SCFD1: variants seen among roughly 807,000 people sequenced by gnomAD.
SCFD1 encodes sec1 family domain-containing protein 1.
A neutral mutation model predicts 103.2 loss-of-function variants in SCFD1; 37 were observed. The ratio of observed to expected loss-of-function variants is 0.36; its 90% CI spans 0.28 to 0.47. The LOEUF (loss-of-function observed/expected upper bound fraction) is 0.47, where lower values mean the gene tolerates loss of function less well. Ranked by LOEUF, SCFD1 falls within the 20% of genes least tolerant of loss-of-function variation. SCFD1 has a pLI of 1.00. For synonymous variants in SCFD1, 264 were observed against 245.0 expected, an observed-to-expected ratio of 1.08 and a Z score of -0.73; for missense variants, 639 against 761.2, an observed-to-expected ratio of 0.84 and a Z score of 1.89.
At chr14:30,627,770 A>C (rs1471060612) in intron 1 of SCFD1, among the ~76,000 whole-genome samples, 1 of 150,532 alleles carries the variant, frequency 6.6e-6, no homozygotes, top group Non-Finnish European at 1.5e-5. Flanking sequence ...AAAAAAAAGA[A>C]AGACTGATCT....
chr14:30,669,642 C>G (rs1888355631), intron 10 of SCFD1: 1 of 151,956 alleles, frequency 6.6e-6, no homozygotes, highest in Non-Finnish European at 1.5e-5. Context: ...TGGCCTGACT[C>G]TTAAAGTTTG....
chr14:30,708,051 G>C lies in SCFD1; in HGVS notation c.1615G>C (p.Val539Leu). The change falls in exon 19 of 25, where the codon GTT becomes CTT. Residue 539 changes from valine (V) to leucine (L), a missense_variant. Val to Leu is a conservative substitution (Grantham distance 32). Coordinates refer to ENST00000458591, the MANE Select transcript of SCFD1 (RefSeq NM_016106.4). ...QFVMEGVKNL[V>L]LKQQNLPVTR... ...TGTGATGGAAGGAGTGAAGAACCTG[G>C]TTTTGAAACAGCAAGTAAGTACACT... 1.2e-6 allele frequency: 2 copies of C among 1,610,178 alleles called. No homozygotes were observed. Among genetic ancestry groups the C allele is most frequent in the Non-Finnish European group, 1.7e-6 (2 of 1,176,530 alleles).
rs79520681 is a variant in SCFD1 at position 30,692,971 on chromosome 14, C to A, written c.1243-1802C>A. 5.6e-3 allele frequency among the ~76,000 whole-genome samples: 852 copies of A among 152,224 alleles called. 3 individuals are homozygous for A. Among genetic ancestry groups the A allele is most frequent in the Non-Finnish European group, 7.8e-3 (528 of 68,012 alleles). ...ACTACTGTGGCCTTTTTCCTAGAAT[C>A]TCATATTTCTTTTGCTCATTTTTAG... On this transcript the variant is annotated intron_variant, in intron 14 of 24. Transcript: ENST00000458591.
intron 7 of SCFD1, among the ~76,000 whole-genome samples, chr14:30,648,188 A>T (rs1886040752): frequency 6.6e-6 from 1 of 152,226 alleles, no homozygotes; most frequent in Non-Finnish European, 1.5e-5. Context: ...GGTTACGTTT[A>T]TACATTTCTA....
Position 30,638,710 on chromosome 14 carries a change from A to G in SCFD1, c.435+463A>G, listed in dbSNP as rs76676684. 3.4e-3 allele frequency among the ~76,000 whole-genome samples: 515 copies of G among 152,292 alleles called. 6 individuals carry two copies. Among genetic ancestry groups the G allele is most frequent in the African/African-American group, 0.012 (493 of 41,546 alleles). On this transcript the variant is annotated intron_variant, in intron 5 of 24. Coordinates refer to ENST00000458591, the MANE Select transcript of SCFD1 (RefSeq NM_016106.4). ...ATCCAAAGTGCCTCTGTTGCATATTAAGAGAAAAAGAACCCATGACAGGCC... is the reference window on the plus strand; with the variant it reads ...ATCCAAAGTGCCTCTGTTGCATATTGAGAGAAAAAGAACCCATGACAGGCC...
chr14:30,656,301 A>T (rs1379919392), intron 10 of SCFD1, among the ~76,000 whole-genome samples: 1 of 151,816 alleles, frequency 6.6e-6, no homozygotes, highest in Non-Finnish European at 1.5e-5. Context: ...ACATGTTTGT[A>T]TACTAATGGG....
At chr14:30,622,943 A>T (rs1883003995) in intron 1 of SCFD1, among the ~76,000 whole-genome samples, 1 of 152,232 alleles carries the variant, frequency 6.6e-6, no homozygotes, top group Admixed American at 6.5e-5. Flanking sequence ...AAACAAATGA[A>T]TTAATAGCTT....
chr14:30,633,827 T>C, intron 3 of SCFD1, 120 bp from the exon 4 acceptor site: 2 of 502,198 alleles, frequency 4.0e-6, no homozygotes, highest in Non-Finnish European at 3.5e-6. Context: ...CACTGATTAA[T>C]TGCAACAAGA....
intron 3 of SCFD1, among the ~76,000 whole-genome samples, chr14:30,631,820 C>T (rs965794601): frequency 4.6e-5 from 7 of 151,924 alleles, no homozygotes; most frequent in African/African-American, 1.5e-4. Context: ...CCCGGGTGGG[C>T]GGATCACTTG....
chr14:30,721,768 G>C lies in SCFD1; in HGVS notation c.1737-116G>C. On this transcript the variant is annotated intron_variant, in intron 21 of 24. Transcript: ENST00000458591. Reference sequence around the variant, plus strand: ...GGACCCACCCCTCTAAGAAGGTGAAGGAGGTAGAATTGTAAATACTTACCT... The same window carrying C: ...GGACCCACCCCTCTAAGAAGGTGAACGAGGTAGAATTGTAAATACTTACCT... The C allele has an allele frequency of 3.6e-6, 3 of 837,734 alleles. No individual in the cohort carries two copies. The South Asian group carries it at 4.7e-5, about 13-fold the overall frequency. 51.9% of individuals were successfully genotyped at this position (837,734 alleles called of 1,614,324 possible).
intron 14 of SCFD1, among the ~76,000 whole-genome samples, chr14:30,680,344 G>GT (rs968105431): frequency 1.6e-4 from 25 of 151,848 alleles, no homozygotes; most frequent in East Asian, 3.9e-4. Flanking sequence ...AGGATGTGGG[G>GT]TTTTTTTTCT....
intron 10 of SCFD1, among the ~76,000 whole-genome samples, chr14:30,657,652 C>G (rs1649307584): frequency 6.6e-6 from 1 of 152,072 alleles, no homozygotes; most frequent in Admixed American, 6.5e-5. Flanking sequence ...TATGAACAAA[C>G]TATAACTGAG....
intron 23 of SCFD1, among the ~76,000 whole-genome samples, chr14:30,725,947 C>T (rs1218955081): frequency 6.6e-6 from 1 of 152,184 alleles, no homozygotes; most frequent in Non-Finnish European, 1.5e-5. Context: ...GGACTATATT[C>T]ATCACTAGTT....
Position 30,643,343 on chromosome 14 carries a change from C to A in SCFD1, c.551C>A (p.Thr184Lys). Reference sequence around the variant, plus strand: ...ATTAACAGGCCAGATATCACAGACACGGAAATGGAAACTGTTATGGACACT... The same window carrying A: ...ATTAACAGGCCAGATATCACAGACAAGGAAATGGAAACTGTTATGGACACT... ...RAINRPDITD[T>K]EMETVMDTIV... Residue 184 changes from threonine to lysine, a missense_variant, in exon 7 of 25, where the codon ACG becomes AAG. Transcript: ENST00000458591. The A allele has an allele frequency of 6.2e-7, 1 of 1,613,432 alleles. No individual in the cohort carries two copies. Among genetic ancestry groups the A allele is most frequent in the Non-Finnish European group, 8.5e-7 (1 of 1,179,478 alleles).
At chr14:30,715,858 A>G in intron 19 of SCFD1, 66 bp from the exon 20 acceptor site, 1 of 808,500 alleles carries the variant, frequency 1.2e-6, no homozygotes, top group Non-Finnish European at 2.1e-6. Context: ...TAGAATGATC[A>G]GGTTGTTTTA....
intron 15 of SCFD1, among the ~76,000 whole-genome samples, chr14:30,699,338 A>G (rs558468869): frequency 1.3e-4 from 20 of 152,346 alleles, no homozygotes; most frequent in African/African-American, 4.6e-4. Context: ...ATCATAAAAT[A>G]CAACAATTCT....
At chr14:30,683,665 C>T (rs894564751) in intron 14 of SCFD1, 1 of 208,896 alleles carries the variant, frequency 4.8e-6, no homozygotes, top group Non-Finnish European at 9.6e-6. Context: ...GTATACTTTC[C>T]TATAGATATT....
intron 23 of SCFD1, among the ~76,000 whole-genome samples, chr14:30,733,462 G>C (rs1265506225): frequency 6.6e-6 from 1 of 152,224 alleles, no homozygotes; most frequent in African/African-American, 2.4e-5. Context: ...GATTAGAAAA[G>C]AATGATGATG....
At chr14:30,666,948 G>A (rs1888032554) in intron 10 of SCFD1, among the ~76,000 whole-genome samples, 2 of 152,096 alleles carry the variant, frequency 1.3e-5, no homozygotes, top group African/African-American at 2.4e-5. Context: ...AGGACCAGGT[G>A]AATTCACAGC....
Sources: allele counts gnomAD v4.1 joint callset (sites outside exome capture counted in the v4.1 genomes callset), GRCh38; gene constraint gnomAD v4.1.1; transcripts MANE v1.5; gene names NCBI Gene and HGNC (gene_info 2026-07-23, HGNC 2026-07-21).